The following PIGS variants were observed in gnomAD, a reference collection of about 807,000 sequenced individuals.
PIGS encodes the protein GPI-anchor transamidase component PIGS.
PIGS carries 37 observed loss-of-function variants against 58.2 expected under a neutral mutation model. That is an observed-to-expected ratio of 0.64 (90% CI 0.49 to 0.84). The LOEUF is 0.84. PIGS is among the 40% of genes least tolerant of loss of function. The pLI is 0.00. For missense variants in PIGS, 629 were observed against 710.8 expected, an observed-to-expected ratio of 0.88 and a Z score of 1.31; for synonymous variants, 269 against 289.2, an observed-to-expected ratio of 0.93 and a Z score of 0.71.
chr17:28,567,282 C>T (rs2070399967), intron 3 of PIGS, among the ~76,000 whole-genome samples: 1 of 152,110 alleles, frequency 6.6e-6, no homozygotes, highest in Non-Finnish European at 1.5e-5. Flanking sequence ...AAAAATTGAA[C>T]CTGGCTTTAA....
intron 6 of PIGS, 118 bp from the exon 7 acceptor site, chr17:28,560,309 TGGA>T: frequency 1.5e-6 from 2 of 1,293,562 alleles, no homozygotes; most frequent in Non-Finnish European, 2.1e-6. Flanking sequence ...CTTTCCATCA[TGGA>T]ACCAAAAGGA....
chr17:28,567,517 T>C (rs765220121), intron 3 of PIGS, among the ~76,000 whole-genome samples: 6 of 152,210 alleles, frequency 3.9e-5, no homozygotes, highest in African/African-American at 9.7e-5. Context: ...ATGCAACTTA[T>C]TGATCCTGAT....
Position 28,571,450 on chromosome 17 carries a change from A to C in PIGS, c.34+13T>G. 2.5e-6 allele frequency: 4 copies of C among 1,610,130 alleles called. No individual in the cohort carries two copies. The highest frequency in any genetic ancestry group is 3.4e-6 in the Non-Finnish European group (4 of 1,178,514). ...CAGCTAGCTGCAGGCCCCCCACCCG[A>C]AGCCCACCGCACCTAGGTGTGTAGC... is the stretch of plus-strand genomic sequence containing the variant. On this transcript the variant is annotated intron_variant, in intron 1 of 11. Transcript: ENST00000308360.
intron 3 of PIGS, among the ~76,000 whole-genome samples, chr17:28,569,097 CAAAAAAA>C (rs564819903): frequency 5.7e-5 from 3 of 52,344 alleles, no homozygotes; most frequent in Admixed American, 2.1e-4. Flanking sequence ...AACTCCATCT[CAAAAAAA>C]AAAAAAAAAA....
At chr17:28,555,950 C>T in intron 10 of PIGS, 2 of 487,552 alleles carry the variant, frequency 4.1e-6, no homozygotes, top group Non-Finnish European at 7.4e-6. Flanking sequence ...GCCTGGGCAA[C>T]AGAGCAAGAC....
At position 28,558,597 on chromosome 17, in the gene PIGS, A is replaced by C. The variant is rs1359376235; in HGVS notation, c.820-7T>G. On this transcript the variant is annotated splice_region_variant and splice_polypyrimidine_tract_variant and intron_variant, in intron 7 of 11. Coordinates refer to ENST00000308360, the MANE Select transcript of PIGS (RefSeq NM_033198.4). Reference sequence around the variant, plus strand: ...ACATTGCATAGTAAAGAATCTGTAGAGCAAACAGGGAGTGGTTACTTTGTT... The same window carrying C: ...ACATTGCATAGTAAAGAATCTGTAGCGCAAACAGGGAGTGGTTACTTTGTT... The C allele has an allele frequency of 6.3e-7, 1 of 1,593,376 alleles. No individual in the cohort carries two copies. Among genetic ancestry groups the C allele is most frequent in the Non-Finnish European group, 8.6e-7 (1 of 1,165,200 alleles).
At position 28,570,980 on chromosome 17, in the gene PIGS, C is replaced by T; in HGVS notation, c.175-17G>A. 6.2e-7 allele frequency: 1 copy of T among 1,614,212 alleles called. No homozygotes were observed. Reference sequence around the variant, plus strand: ...GAGGCGGAGCTACAGGAAGGAGCATCAGGGCCGTCACTGAGTCTCCACCTT... The same window carrying T: ...GAGGCGGAGCTACAGGAAGGAGCATTAGGGCCGTCACTGAGTCTCCACCTT... On this transcript the variant is annotated splice_polypyrimidine_tract_variant and intron_variant, in intron 2 of 11. Transcript: ENST00000308360.
intron 6 of PIGS, 143 bp from the exon 7 acceptor site, chr17:28,560,334 G>A: frequency 9.7e-7 from 1 of 1,027,828 alleles, no homozygotes; most frequent in South Asian, 1.6e-5. Flanking sequence ...GACAAAACTG[G>A]GATGAGGAAC....
chr17:28,565,032 G>C (rs541824263), intron 3 of PIGS, among the ~76,000 whole-genome samples: 1 of 152,306 alleles, frequency 6.6e-6, no homozygotes, highest in African/African-American at 2.4e-5. Flanking sequence ...TGTAATATGT[G>C]AAGAAAGAGA....
rs182767699 is a variant in PIGS, at chr17:28,556,158, G to A, written c.1181+8C>T. The A allele has an allele frequency of 1.6e-4, 254 of 1,606,758 alleles. 3 individuals carry two copies. In the African/African-American group the frequency reaches 2.9e-3, roughly 18 times the overall value. On this transcript the variant is annotated splice_region_variant and intron_variant, in intron 10 of 11. Transcript: ENST00000308360. ...CTATGTCCCCAAGTGGATCATCCAGGACCTCACCGCAACTGTGCCAGGAAC... is the reference window on the plus strand; with the variant it reads ...CTATGTCCCCAAGTGGATCATCCAGAACCTCACCGCAACTGTGCCAGGAAC...
chr17:28,566,031 AAAAT>A (rs559268334), intron 3 of PIGS, among the ~76,000 whole-genome samples: 2 of 151,910 alleles, frequency 1.3e-5, no homozygotes, highest in Admixed American at 1.3e-4. Flanking sequence ...ACTCTGTCTC[AAAAT>A]AAATAAATAA....
At chr17:28,563,388 G>A (rs1341780235) in intron 5 of PIGS, 43 bp downstream of exon 5, 4 of 1,503,046 alleles carry the variant, frequency 2.7e-6, no homozygotes, top group Non-Finnish European at 3.7e-6. Flanking sequence ...GAGTCCACGA[G>A]CTGAAGGGAT....
At chr17:28,568,740 T>A (rs1399514746) in intron 3 of PIGS, among the ~76,000 whole-genome samples, 1 of 152,222 alleles carries the variant, frequency 6.6e-6, no homozygotes, top group Non-Finnish European at 1.5e-5. Flanking sequence ...AAATCCATGA[T>A]AAACTGAAAA....
Position 28,561,647 on chromosome 17 carries a change from A to G in PIGS, c.469-18T>C. On this transcript the variant is annotated intron_variant, in intron 5 of 11. Transcript: ENST00000308360. ...ATCATGTCCTGTGGGGGTGAGCAAG[A>G]GACAGAATGCCCATGGCTCAGAAAA... is the stretch of plus-strand genomic sequence containing the variant. 2 of 1,601,520 alleles carry G rather than the reference A, an allele frequency of 1.2e-6. No homozygotes were observed. The highest frequency in any genetic ancestry group is 1.7e-6 in the Non-Finnish European group (2 of 1,172,864).
At chr17:28,571,249 C>A in intron 1 of PIGS, 61 bp from the exon 2 acceptor site, 1 of 1,574,308 alleles carries the variant, frequency 6.4e-7, no homozygotes, top group South Asian at 1.2e-5. Context: ...GCCCCATCCC[C>A]GACGCGGAGA....
chr17:28,556,780 C>T, intron 9 of PIGS, 47 bp downstream of exon 9: 1 of 1,578,958 alleles, frequency 6.3e-7, no homozygotes, highest in Non-Finnish European at 8.6e-7. Context: ...GGACACCTGC[C>T]TGTCCCAGAA....
In PIGS at chr17:28,571,515, C is replaced by A. The variant is rs1008792022; in HGVS notation, c.-19G>T. On this transcript the variant is annotated 5_prime_UTR_variant, in exon 1 of 12. Coordinates refer to ENST00000308360, the MANE Select transcript of PIGS (RefSeq NM_033198.4). The stretch of plus-strand genomic sequence containing the variant: ...CCGCCATGCTAGCTTCCGGCTGCTC[C>A]GGCCACCGTGGGGGCAGAGCTTCGT... 1 of 1,598,180 alleles carries A rather than the reference C, an allele frequency of 6.3e-7. No individual in the cohort carries two copies. Among genetic ancestry groups the A allele is most frequent in the East Asian group, 2.3e-5 (1 of 44,020 alleles).
chr17:28,554,375 G>T lies in PIGS; in HGVS notation c.1513C>A (p.Pro505Thr). 1 of 1,614,166 alleles carries T rather than the reference G, an allele frequency of 6.2e-7. No homozygotes were observed. The highest frequency in any genetic ancestry group is 2.2e-5 in the East Asian group (1 of 44,882). The change falls in exon 12 of 12, where the codon CCG becomes ACG. Residue 505 changes from proline (P) to threonine (T), a missense_variant. Transcript: ENST00000308360. ...AAATAAAGGAGGTGGAGGAGTGACG[G>T]GTCAAAGAAGGCAAGCTCAGAGGAT... ...VTSSELAFFD[P>T]SLLHLLYFPD...
chr17:28,561,177 G>T (rs904053573), intron 6 of PIGS, among the ~76,000 whole-genome samples: 1 of 152,072 alleles, frequency 6.6e-6, no homozygotes, highest in African/African-American at 2.4e-5. Flanking sequence ...AGAATGGCGT[G>T]AACCCGGGAG....
Sources: allele counts gnomAD v4.1 joint callset (sites outside exome capture counted in the v4.1 genomes callset), GRCh38; gene constraint gnomAD v4.1.1; transcripts MANE v1.5; gene names NCBI Gene and HGNC (gene_info 2026-07-23, HGNC 2026-07-21).